The following SYNE1 variants were observed in gnomAD, a reference collection of about 807,000 sequenced individuals.
The protein encoded by SYNE1 is spectrin repeat containing nuclear envelope protein 1, also known as nesprin-1.
In SYNE1, 616 loss-of-function variants were observed where a neutral mutation model predicts 1,111.0. The observed-to-expected ratio is 0.55, with a 90% CI of 0.52 to 0.59. The LOEUF is 0.59. Among genes scored for constraint, SYNE1 ranks in the 20% least tolerant of loss-of-function variants. The pLI is 0.00. For synonymous variants in SYNE1, 3,855 were observed against 3,825.8 expected (o/e 1.01, Z -0.28); for missense variants, 10,006 against 10,417.0 (o/e 0.96, Z 1.72).
intron 73 of SYNE1, among the ~76,000 whole-genome samples, chr6:152,344,448 A>G (rs1263889285): frequency 2.0e-5 from 3 of 152,184 alleles, no homozygotes; most frequent in African/African-American, 4.8e-5. Context: ...ATCACAGTGT[A>G]ATATCCGGAT....
chr6:152,321,936 C>G lies in SYNE1; in HGVS notation c.15918-50G>C, dbSNP rs750511835. ...ACAGAAGTGAAGTGAAAGGAACCCCCTAATACTTGGCAACATTTTATCCAA... is the reference window on the plus strand; with the variant it reads ...ACAGAAGTGAAGTGAAAGGAACCCCGTAATACTTGGCAACATTTTATCCAA... On this transcript the variant is annotated intron_variant, in intron 82 of 145. Coordinates refer to ENST00000367255, the MANE Select transcript of SYNE1 (RefSeq NM_182961.4). 4 of 1,607,702 alleles carry G rather than the reference C, an allele frequency of 2.5e-6. No homozygotes were observed. The Admixed American group carries it at 6.7e-5, about 27-fold the overall frequency.
At chr6:152,136,906 C>T in intron 140 of SYNE1, 88 bp from the exon 141 acceptor site, 1 of 1,478,316 alleles carries the variant, frequency 6.8e-7, no homozygotes. Context: ...TGAAAAGATC[C>T]ATTAATTTAA....
chr6:152,582,461 A>G (rs527510531), intron 3 of SYNE1, among the ~76,000 whole-genome samples: 42 of 152,212 alleles, frequency 2.8e-4, no homozygotes, highest in Non-Finnish European at 1.3e-4. Context: ...ACTGAGTTAA[A>G]TTTTAAGTCA....
At chr6:152,176,368 G>A (rs1563231452) in intron 130 of SYNE1, 26 bp downstream of exon 130, 1 of 1,613,726 alleles carries the variant, frequency 6.2e-7, no homozygotes. Flanking sequence ...GCCCACACGT[G>A]CCCTATTGAC....
chr6:152,292,767 T>G (rs927608701), intron 95 of SYNE1, among the ~76,000 whole-genome samples: 1 of 152,222 alleles, frequency 6.6e-6, no homozygotes, highest in Admixed American at 6.5e-5. Context: ...ATATCTTTCT[T>G]TCCTCCTGCC....
chr6:152,193,466 C>T (rs9918328), intron 127 of SYNE1, among the ~76,000 whole-genome samples: 51,507 of 151,814 alleles, frequency 0.34, 8,812 homozygotes, highest in African/African-American at 0.38. Context: ...TACAGGCACA[C>T]GCCACCCCAC....
At chr6:152,582,565 T>C (rs2099523962) in intron 3 of SYNE1, among the ~76,000 whole-genome samples, 1 of 151,574 alleles carries the variant, frequency 6.6e-6, no homozygotes, top group South Asian at 2.1e-4. Flanking sequence ...TTTTTACATA[T>C]ATATAAATAA....
At position 152,176,847 on chromosome 6, in the gene SYNE1, T is replaced by C. The variant is rs111965707; in HGVS notation, c.23461-287A>G. ...ATTAAAAAACAATAAAAGATAGATA[T>C]AAAAAATAAAACTTAAAAGATTTTA... On this transcript the variant is annotated intron_variant, in intron 129 of 145. Transcript: ENST00000367255. Among the ~76,000 whole-genome samples the C allele has an allele frequency of 0.011, 1,671 of 152,198 alleles. 35 individuals are homozygous for C. Among genetic ancestry groups the C allele is most frequent in the African/African-American group, 0.031 (1,305 of 41,530 alleles).
rs376254773 is a variant in SYNE1, at chr6:152,132,176, G to A, written c.26040C>T (p.Thr8680=). The A allele has an allele frequency of 6.2e-6, 10 of 1,614,048 alleles. No individual in the cohort carries two copies. The East Asian group carries it at 6.7e-5, about 11-fold the overall frequency. The change falls in exon 144 of 146, where the codon ACC becomes ACT. Residue 8680 remains threonine (T), a synonymous_variant. Transcript: ENST00000367255. ...SSWSSADELD[T]SGSVSPTSGR... ...CTGATGTGGGACTCACAGACCCTGA[G>A]GTGTCCAGTTCATCAGCAGAAGACC...
At chr6:152,282,013 C>T (rs759558329) in intron 96 of SYNE1, 33 bp from the exon 97 acceptor site, 18 of 1,605,952 alleles carry the variant, frequency 1.1e-5, no homozygotes, top group African/African-American at 9.4e-5. Context: ...ATATAGATCA[C>T]GCTAAGGTAA....
In SYNE1 at chr6:152,463,399, A is replaced by G; in HGVS notation, c.2051T>C (p.Leu684Pro). 2.5e-6 allele frequency: 4 copies of G among 1,613,878 alleles called. No homozygotes were observed. Among genetic ancestry groups the G allele is most frequent in the Non-Finnish European group, 3.4e-6 (4 of 1,179,804 alleles). ...MVSRDLKQQL[L>P]LLNGRWRELF... is the part of the protein sequence containing the mutation. ...CTCCCTCCACCGCCCATTTAGCAAC[A>G]GTAATTGCTGCTTCAGGTCACGGGA... The change falls in exon 19 of 146, where the codon CTG (leucine) becomes CCG (proline). Residue 684 changes from leucine (L) to proline (P), a missense_variant. Physicochemically the swap from Leu to Pro is moderately conservative, Grantham distance 98. This residue lies in a region of SYNE1 where 1,971 missense variants were observed against 2,084.1 expected (regional missense o/e 0.95). Transcript: ENST00000367255.
intron 100 of SYNE1, among the ~76,000 whole-genome samples, chr6:152,265,657 C>T (rs1038655538): frequency 1.4e-4 from 22 of 152,224 alleles, no homozygotes; most frequent in Admixed American, 2.6e-4. Context: ...ACGTACAACA[C>T]CAGTAGCAAA....
chr6:152,320,927 G>T (rs1167474363), intron 84 of SYNE1, among the ~76,000 whole-genome samples: 1 of 152,072 alleles, frequency 6.6e-6, no homozygotes, highest in Admixed American at 6.6e-5. Flanking sequence ...AGAGTCCCTG[G>T]CACACTCTGG....
chr6:152,472,440 A>AAAAAG, intron 14 of SYNE1, 27 bp from the exon 15 acceptor site: 1 of 1,567,206 alleles, frequency 6.4e-7, no homozygotes. Context: ...AAAAAAATAA[A>AAAAAG]AAATGAAAAA....
At chr6:152,217,840 CA>C (rs2079112125) in intron 121 of SYNE1, among the ~76,000 whole-genome samples, 1 of 152,086 alleles carries the variant, frequency 6.6e-6, no homozygotes. Flanking sequence ...TGCCAGCACA[CA>C]GTCTACTGTT....
chr6:152,516,023 C>T (rs2154343459), intron 6 of SYNE1, among the ~76,000 whole-genome samples: 2 of 152,256 alleles, frequency 1.3e-5, no homozygotes, highest in South Asian at 4.1e-4. Context: ...AAATGGAAGA[C>T]AAAGTCAGTA....
At chr6:152,549,481 C>T (rs1272671762) in intron 3 of SYNE1, among the ~76,000 whole-genome samples, 2 of 152,184 alleles carry the variant, frequency 1.3e-5, no homozygotes, top group East Asian at 3.9e-4. Flanking sequence ...TCCTTCTCCT[C>T]CTCCCTCACT....
intron 41 of SYNE1, among the ~76,000 whole-genome samples, chr6:152,416,076 G>A (rs2098149861): frequency 6.6e-6 from 1 of 152,152 alleles, no homozygotes; most frequent in South Asian, 2.1e-4. Flanking sequence ...AAAAGAAGCA[G>A]GCAGGGAATA....
intron 3 of SYNE1, among the ~76,000 whole-genome samples, chr6:152,563,310 G>T (rs1595445707): frequency 6.6e-6 from 1 of 152,074 alleles, no homozygotes; most frequent in East Asian, 1.9e-4. Context: ...CTCTATAAAA[G>T]CATACTATTC....
Sources: allele counts gnomAD v4.1 joint callset (sites outside exome capture counted in the v4.1 genomes callset), GRCh38; gene constraint gnomAD v4.1.1; regional missense constraint gnomAD v4.1.1; transcripts MANE v1.5; gene names NCBI Gene and HGNC (gene_info 2026-07-23, HGNC 2026-07-21).